The following FAM72D variants were observed in gnomAD, a reference collection of about 807,000 sequenced individuals.
The protein encoded by FAM72D is RUMY family member 4.
For missense variants in FAM72D, 9 were observed against 104.7 expected, an observed-to-expected ratio of 0.09 and a Z score of 3.99; for synonymous variants, 4 against 35.1, an observed-to-expected ratio of 0.11 and a Z score of 3.13.
At chr1:145,102,308 A>G (rs1412829719) in intron 2 of FAM72D, among the ~76,000 whole-genome samples, 21 of 44,286 alleles carry the variant, frequency 4.7e-4, no homozygotes, top group Admixed American at 1.6e-3. Flanking sequence ...TAGAACATGT[A>G]AGAACCCAAC....
At chr1:145,105,882 G>A (rs61824251) in intron 3 of FAM72D, among the ~76,000 whole-genome samples, 1 of 144,352 alleles carries the variant, frequency 6.9e-6, no homozygotes, top group Non-Finnish European at 1.5e-5. Flanking sequence ...AACCCGGGAG[G>A]CGGAGGTTGC....
chr1:145,102,769 A>C (rs1487269219), intron 2 of FAM72D, among the ~76,000 whole-genome samples: 2 of 136,906 alleles, frequency 1.5e-5, no homozygotes, highest in Non-Finnish European at 3.2e-5. Context: ...TAATAATAAT[A>C]ATAATAATAA....
intron 3 of FAM72D, among the ~76,000 whole-genome samples, chr1:145,107,435 C>T (rs1386336460): frequency 1.6e-5 from 2 of 127,258 alleles, no homozygotes; most frequent in Non-Finnish European, 3.3e-5. Context: ...GACAGGGTTT[C>T]ACCATGTTGG....
chr1:145,100,489 T>C (rs1272048173), intron 2 of FAM72D, among the ~76,000 whole-genome samples: 3 of 146,424 alleles, frequency 2.0e-5, no homozygotes, highest in African/African-American at 7.7e-5. Context: ...TTTTCTTCTT[T>C]CTTTTTTTTT....
intron 2 of FAM72D, among the ~76,000 whole-genome samples, chr1:145,100,916 T>C (rs1292270926): frequency 1.4e-5 from 2 of 142,766 alleles, no homozygotes; most frequent in Non-Finnish European, 3.0e-5. Flanking sequence ...ATTACAGGTG[T>C]GAGCCACCGC....
chr1:145,105,561 G>T (rs1430955512), intron 3 of FAM72D, among the ~76,000 whole-genome samples: 4 of 142,566 alleles, frequency 2.8e-5, no homozygotes, highest in African/African-American at 5.3e-5. Flanking sequence ...GCTACTTGGG[G>T]GACTGAGGCA....
rs1553637324 is a variant in FAM72D at position 145,097,140 on chromosome 1, A to G, written c.152+141A>G. The G allele has an allele frequency of 3.9e-6, 6 of 1,529,048 alleles. No individual in the cohort carries two copies. In the Admixed American group the frequency reaches 1.0e-4, roughly 26 times the overall value. The allele number at this position is 1,529,048 out of a possible 1,614,324, so 94.7% of individuals were successfully genotyped here. On this transcript the variant is annotated intron_variant, in intron 1 of 3. Coordinates refer to ENST00000400889, the MANE Select transcript of FAM72D (RefSeq NM_207418.3). ...CAGTTTGATGATCCCCTTGTAATAT[A>G]TCTAAGTGGGCAGACTGTCTGGACA...
intron 1 of FAM72D, among the ~76,000 whole-genome samples, chr1:145,097,209 T>C (rs1654506540): frequency 7.0e-6 from 1 of 142,122 alleles, no homozygotes; most frequent in Admixed American, 6.7e-5. Context: ...ATGTAATGCT[T>C]CTAGTTCAAT....
intron 2 of FAM72D, among the ~76,000 whole-genome samples, chr1:145,099,430 CCT>C (rs1251684392): frequency 7.1e-6 from 1 of 141,686 alleles, no homozygotes; most frequent in Non-Finnish European, 1.5e-5. Flanking sequence ...AACTGCTGAA[CCT>C]CTGTTTTCTT....
chr1:145,107,529 G>A (rs1171809994), intron 3 of FAM72D, among the ~76,000 whole-genome samples: 8 of 123,768 alleles, frequency 6.5e-5, no homozygotes, highest in African/African-American at 9.1e-5. Context: ...GATTACAGAC[G>A]TGAGTCACCA....
At chr1:145,100,827 G>T (rs1335602476) in intron 2 of FAM72D, among the ~76,000 whole-genome samples, 2 of 150,738 alleles carry the variant, frequency 1.3e-5, no homozygotes, top group East Asian at 3.9e-4. Flanking sequence ...GTAGAGACAG[G>T]ATTTCGCCAT....
intron 3 of FAM72D, among the ~76,000 whole-genome samples, chr1:145,106,054 A>C (rs1654909670): frequency 7.2e-6 from 1 of 139,426 alleles, no homozygotes; most frequent in Non-Finnish European, 1.6e-5. Context: ...TGCAGCTTCT[A>C]CATCTGCACT....
chr1:145,100,963 A>G (rs1380856789), intron 2 of FAM72D, among the ~76,000 whole-genome samples: 3 of 148,640 alleles, frequency 2.0e-5, no homozygotes, highest in African/African-American at 7.6e-5. Context: ...TTGTTTTGAG[A>G]CGGAGTCTTG....
In FAM72D at chr1:145,105,609, GAGCCGAGATC is replaced by G. The variant is rs1290608843; in HGVS notation, c.355+2479_355+2488del. ...GAACCCAGGAGGTGGAGTTTGAAGTGAGCCGAGATCGCACCATTGCACCAAGAGTGGAACT... is the reference window on the plus strand; with the variant it reads ...GAACCCAGGAGGTGGAGTTTGAAGTGGCACCATTGCACCAAGAGTGGAACT... On this transcript the variant is annotated intron_variant, in intron 3 of 3. Transcript: ENST00000400889. Among the ~76,000 whole-genome samples the G allele has an allele frequency of 4.2e-4, 63 of 148,378 alleles. 2 individuals are homozygous for G. Among genetic ancestry groups the G allele is most frequent in the African/African-American group, 1.6e-3 (62 of 39,678 alleles).
chr1:145,102,455 G>A (rs1216093824), intron 2 of FAM72D, among the ~76,000 whole-genome samples: 1 of 36,530 alleles, frequency 2.7e-5, no homozygotes, highest in Non-Finnish European at 6.0e-5. Flanking sequence ...GCTAACTTCT[G>A]AAGGGAGAAT....
chr1:145,097,230 C>G (rs1360460760), intron 1 of FAM72D, among the ~76,000 whole-genome samples: 1 of 138,322 alleles, frequency 7.2e-6, no homozygotes, highest in African/African-American at 3.2e-5. Flanking sequence ...TGCAGTCATG[C>G]GACCACACAT....
At chr1:145,107,154 T>A (rs1437665067) in intron 3 of FAM72D, among the ~76,000 whole-genome samples, 1,406 of 137,584 alleles carry the variant, frequency 0.01, no homozygotes, top group African/African-American at 0.027. Context: ...AAAAAAAAAA[T>A]TATTTTAGTA....
At chr1:145,107,586 G>GTC (rs1311016654) in intron 3 of FAM72D, among the ~76,000 whole-genome samples, 118 of 104,972 alleles carry the variant, frequency 1.1e-3, no homozygotes, top group Non-Finnish European at 1.9e-3. Flanking sequence ...TTGAGATGGA[G>GTC]TCATTCTGTC....
chr1:145,105,702 C>T (rs587755306), intron 3 of FAM72D, among the ~76,000 whole-genome samples: 1 of 150,630 alleles, frequency 6.6e-6, no homozygotes, highest in African/African-American at 2.5e-5. Flanking sequence ...CCTGTAATCC[C>T]AGCAGTTTGG....
Sources: allele counts gnomAD v4.1 joint callset (sites outside exome capture counted in the v4.1 genomes callset), GRCh38; gene constraint gnomAD v4.1.1; transcripts MANE v1.5; gene names NCBI Gene and HGNC (gene_info 2026-07-23, HGNC 2026-07-21).